The following WFDC10B variants were observed in gnomAD, a reference collection of about 807,000 sequenced individuals.
WFDC10B encodes the protein WAP four-disulfide core domain 10B, also known as protein WFDC10B.
A neutral mutation model predicts 2.7 loss-of-function variants in WFDC10B; 1 was observed. The ratio of observed to expected loss-of-function variants is 0.38; its 90% CI spans 0.13 to 1.79. WFDC10B has a LOEUF of 1.79. Ranked by LOEUF, WFDC10B falls within the 40% of genes most tolerant of loss-of-function variation. The pLI, the probability that WFDC10B is intolerant of heterozygous loss-of-function variation, is 0.33. For synonymous variants in WFDC10B, 26 were observed against 32.2 expected, an observed-to-expected ratio of 0.81 and a Z score of 0.65; for missense variants, 71 against 87.8, an observed-to-expected ratio of 0.81 and a Z score of 0.76.
intron 2 of WFDC10B, among the ~76,000 whole-genome samples, chr20:45,697,379 A>ATTTTT (rs869059383): frequency 0.012 from 1,315 of 113,914 alleles, 71 homozygotes; most frequent in African/African-American, 0.031. Flanking sequence ...ACATCCCATC[A>ATTTTT]TTTTTTTTTT....
At chr20:45,688,078 T>G (rs2145634816) in intron 2 of WFDC10B, among the ~76,000 whole-genome samples, 1 of 131,276 alleles carries the variant, frequency 7.6e-6, no homozygotes, top group African/African-American at 2.9e-5. Flanking sequence ...CCTGTGTCCA[T>G]GTGTTCTCAT....
At chr20:45,702,796 C>T (rs1360350738) in intron 2 of WFDC10B, among the ~76,000 whole-genome samples, 1 of 152,234 alleles carries the variant, frequency 6.6e-6, no homozygotes, top group Non-Finnish European at 1.5e-5. Context: ...CCCAGCTCAA[C>T]TCAAAAGAGC....
intron 2 of WFDC10B, among the ~76,000 whole-genome samples, chr20:45,690,646 A>C (rs6130888): frequency 0.19 from 28,611 of 151,714 alleles, 2,943 homozygotes; most frequent in East Asian, 0.32. Flanking sequence ...TTGTAGTATT[A>C]TCTGATGGTA....
At chr20:45,690,153 C>T (rs977070040) in intron 2 of WFDC10B, among the ~76,000 whole-genome samples, 133 of 151,858 alleles carry the variant, frequency 8.8e-4, no homozygotes, top group Non-Finnish European at 8.5e-4. Context: ...TATTGATTTG[C>T]GTATATTGAA....
rs1162151814 is a variant in WFDC10B, at chr20:45,687,858, C to CTTT, written c.-64-1805_-64-1803dup. 5.6e-5 allele frequency among the ~76,000 whole-genome samples: 7 copies of CTTT among 124,962 alleles called. No homozygotes were observed. In the South Asian group the frequency reaches 1.8e-3, roughly 33 times the overall value. 82.0% of individuals were successfully genotyped at this position (124,962 alleles called of 152,430 possible). On this transcript the variant is annotated intron_variant, in intron 2 of 3. Transcript: ENST00000330523. ...TTTTTAATGGGATTGCTTGTCTTTT[C>CTTT]TTTTATTATTATTATTATTATTATT...
At chr20:45,704,434 T>C in intron 2 of WFDC10B, 63 bp downstream of exon 2, 1 of 1,609,538 alleles carries the variant, frequency 6.2e-7, no homozygotes, top group Non-Finnish European at 8.5e-7. Context: ...TTACTTGTTC[T>C]GTGTTCCAGA....
chr20:45,700,551 TCA>T, intron 2 of WFDC10B, among the ~76,000 whole-genome samples: 1 of 152,322 alleles, frequency 6.6e-6, no homozygotes, highest in East Asian at 1.9e-4. Flanking sequence ...ATCTGAATGT[TCA>T]CTGCATTAAC....
In WFDC10B at chr20:45,704,563, T is replaced by G. The variant is rs1002233434; in HGVS notation, c.-129-2A>C. The G allele has an allele frequency of 6.2e-7, 1 of 1,614,188 alleles. No homozygotes were observed. The highest frequency in any genetic ancestry group is 1.7e-5 in the Admixed American group (1 of 60,020). ...CTGTTCCTCCTTCTGTGGGATAGTCTGTTCATCAGAAACATTTCAAAAGCG... is the reference window on the plus strand; with the variant it reads ...CTGTTCCTCCTTCTGTGGGATAGTCGGTTCATCAGAAACATTTCAAAAGCG... On this transcript the variant is annotated splice_acceptor_variant, in intron 1 of 3. Coordinates refer to ENST00000330523, the MANE Select transcript of WFDC10B (RefSeq NM_172006.2). LOFTEE classifies it low-confidence loss of function (5UTR_SPLICE).
chr20:45,696,637 A>C (rs992164791), intron 2 of WFDC10B, among the ~76,000 whole-genome samples: 5 of 152,212 alleles, frequency 3.3e-5, no homozygotes, highest in African/African-American at 1.2e-4. Flanking sequence ...ACACCAACAA[A>C]TTAGATAACC....
intron 2 of WFDC10B, among the ~76,000 whole-genome samples, chr20:45,696,561 G>A (rs748423038): frequency 9.9e-5 from 15 of 152,036 alleles, no homozygotes; most frequent in Non-Finnish European, 2.1e-4. Flanking sequence ...TCAGAAATTA[G>A]AGTGGGACAT....
At chr20:45,686,204 G>T in intron 2 of WFDC10B, 148 bp from the exon 3 acceptor site, 1 of 890,164 alleles carries the variant, frequency 1.1e-6, no homozygotes, top group Non-Finnish European at 1.6e-6. Context: ...GGCTTCTGCA[G>T]GAATGATGCC....
intron 2 of WFDC10B, among the ~76,000 whole-genome samples, chr20:45,701,248 G>A (rs1366955685): frequency 1.3e-5 from 2 of 152,122 alleles, no homozygotes; most frequent in Admixed American, 6.6e-5. Flanking sequence ...TAAATGACAG[G>A]TTCTGAGTCC....
chr20:45,692,823 C>T (rs1312870198), intron 2 of WFDC10B, among the ~76,000 whole-genome samples: 1 of 152,244 alleles, frequency 6.6e-6, no homozygotes, highest in Non-Finnish European at 1.5e-5. Context: ...CTTCTTCTCT[C>T]AACTTGTCAA....
At chr20:45,697,379 A>ATTTTTTTTTTTTTTTTTTTTTTTTT (rs869059383) in intron 2 of WFDC10B, among the ~76,000 whole-genome samples, 1 of 114,010 alleles carries the variant, frequency 8.8e-6, no homozygotes. Context: ...ACATCCCATC[A>ATTTTTTTTTTTTTTTTTTTTTTTTT]TTTTTTTTTT....
intron 2 of WFDC10B, among the ~76,000 whole-genome samples, chr20:45,693,619 G>C (rs1983888035): frequency 6.6e-6 from 1 of 152,194 alleles, no homozygotes; most frequent in Non-Finnish European, 1.5e-5. Context: ...GGTGGGCATA[G>C]GACCCTCCGA....
chr20:45,701,439 T>C (rs1406211446), intron 2 of WFDC10B, among the ~76,000 whole-genome samples: 1 of 151,150 alleles, frequency 6.6e-6, no homozygotes, highest in Non-Finnish European at 1.5e-5. Context: ...TGAAAAGTTA[T>C]GATAACATTT....
chr20:45,704,787 C>T (rs894557328), intron 1 of WFDC10B, 131 bp downstream of exon 1: 1 of 1,284,314 alleles, frequency 7.8e-7, no homozygotes, highest in Non-Finnish European at 1.1e-6. Context: ...CCCTCCTCCC[C>T]TCCCAATCAC....
At chr20:45,688,285 T>G (rs1163023585) in intron 2 of WFDC10B, among the ~76,000 whole-genome samples, 10 of 152,000 alleles carry the variant, frequency 6.6e-5, no homozygotes, top group African/African-American at 2.4e-4. Context: ...TGTTGGACAT[T>G]TGGGTTGGTT....
chr20:45,684,995 T>G, intron 3 of WFDC10B, 35 bp from the exon 4 acceptor site: 1 of 1,612,458 alleles, frequency 6.2e-7, no homozygotes. Flanking sequence ...AATGAAACCA[T>G]GCACCTATAG....
Sources: allele counts gnomAD v4.1 joint callset (sites outside exome capture counted in the v4.1 genomes callset), GRCh38; gene constraint gnomAD v4.1.1; transcripts MANE v1.5; gene names NCBI Gene and HGNC (gene_info 2026-07-23, HGNC 2026-07-21).